The following LRRN3 variants were observed in gnomAD, a reference collection of about 807,000 sequenced individuals.
The protein encoded by LRRN3 is leucine rich repeat neuronal 3.
In LRRN3, 15 loss-of-function variants were observed where a neutral mutation model predicts 40.1. The observed-to-expected ratio is 0.37, with a 90% CI of 0.25 to 0.58. The LOEUF (loss-of-function observed/expected upper bound fraction) is 0.58. Among genes scored for constraint, LRRN3 ranks in the 20% least tolerant of loss-of-function variants. The pLI is 0.72. For synonymous variants in LRRN3, 308 were observed against 297.2 expected, an observed-to-expected ratio of 1.04 and a Z score of -0.37; for missense variants, 746 against 837.7, an observed-to-expected ratio of 0.89 and a Z score of 1.35.
At position 111,122,882 on chromosome 7, in the gene LRRN3, T is replaced by A; in HGVS notation, c.110T>A (p.Ile37Asn). The A allele has an allele frequency of 6.2e-7, 1 of 1,614,000 alleles. No individual in the cohort carries two copies. Among genetic ancestry groups the A allele is most frequent in the African/African-American group, 1.3e-5 (1 of 75,030 alleles). Residue 37 changes from isoleucine (I) to asparagine (N), a missense_variant, in exon 3 of 3, where the codon ATC becomes AAC. Physicochemically the swap from Ile to Asn is moderately radical, Grantham distance 149. Coordinates refer to ENST00000308478, the MANE Select transcript of LRRN3 (RefSeq NM_001099658.2). ...VDCPRLCTCE[I>N]RPWFTPRSIY... ...TGTCCACGGTTATGTACGTGTGAAATCAGGCCTTGGTTTACACCCAGATCC... is the reference window on the plus strand; with the variant it reads ...TGTCCACGGTTATGTACGTGTGAAAACAGGCCTTGGTTTACACCCAGATCC...
chr7:111,093,100 G>A (rs559713590), intron 1 of LRRN3, among the ~76,000 whole-genome samples: 37 of 152,160 alleles, frequency 2.4e-4, no homozygotes, highest in Non-Finnish European at 4.7e-4. Context: ...TAATTCCAGT[G>A]ACCTTTGTAA....
chr7:111,112,774 G>A (rs112651936), intron 2 of LRRN3, among the ~76,000 whole-genome samples: 2,766 of 152,170 alleles, frequency 0.018, 43 homozygotes, highest in Middle Eastern at 0.037. Context: ...AGCCCACATC[G>A]CTATTATCGT....
At chr7:111,107,194 C>T (rs994751536) in intron 2 of LRRN3, among the ~76,000 whole-genome samples, 1 of 151,698 alleles carries the variant, frequency 6.6e-6, no homozygotes, top group Admixed American at 6.6e-5. Context: ...TCCTTCCCTC[C>T]CTTCTTCCTT....
chr7:111,125,146 A>G lies in LRRN3; in HGVS notation c.*247A>G, dbSNP rs969423602. 8 of 380,608 alleles carry G rather than the reference A, an allele frequency of 2.1e-5. No individual in the cohort carries two copies. In the Admixed American group the frequency reaches 3.0e-4, roughly 14 times the overall value. The allele number at this position is 380,608 out of a possible 1,614,324, so 23.6% of individuals were successfully genotyped here. On this transcript the variant is annotated 3_prime_UTR_variant, in exon 3 of 3. Coordinates refer to ENST00000308478, the MANE Select transcript of LRRN3 (RefSeq NM_001099658.2). ...AAATAAAATAACTCCATTTTCTAAA[A>G]CTTTCATGTAACTTTTATGTCTGGA...
At position 111,124,284 on chromosome 7, in the gene LRRN3, T is replaced by A; in HGVS notation, c.1512T>A (p.Ala504=). The A allele has an allele frequency of 6.2e-7, 1 of 1,614,008 alleles. No homozygotes were observed. The highest frequency in any genetic ancestry group is 8.5e-7 in the Non-Finnish European group (1 of 1,179,978). Residue 504 remains alanine, a synonymous_variant, in exon 3 of 3, where the codon GCT becomes GCA. Coordinates refer to ENST00000308478, the MANE Select transcript of LRRN3 (RefSeq NM_001099658.2). ...GTATAGCAACTAACCTAGTTGGCGCTGACTTGAAGTCTGTTATGATCAAAG... is the reference window on the plus strand; with the variant it reads ...GTATAGCAACTAACCTAGTTGGCGCAGACTTGAAGTCTGTTATGATCAAAG... ...YTCIATNLVG[A]DLKSVMIKVD...
At chr7:111,117,829 A>C (rs1050443879) in intron 2 of LRRN3, among the ~76,000 whole-genome samples, 4 of 152,122 alleles carry the variant, frequency 2.6e-5, no homozygotes, top group Non-Finnish European at 5.9e-5. Context: ...TTTTTTCTTC[A>C]CCAATTTTTC....
chr7:111,101,364 C>T (rs28733335), intron 2 of LRRN3, among the ~76,000 whole-genome samples: 5,470 of 151,328 alleles, frequency 0.036, 306 homozygotes, highest in African/African-American at 0.12. Flanking sequence ...ATCATATATT[C>T]GTGTCTGTGA....
chr7:111,113,953 T>C (rs1471370522), intron 2 of LRRN3, among the ~76,000 whole-genome samples: 1 of 152,162 alleles, frequency 6.6e-6, no homozygotes, highest in Non-Finnish European at 1.5e-5. Context: ...AGACTTTTCC[T>C]CTCAATTTAT....
intron 2 of LRRN3, among the ~76,000 whole-genome samples, chr7:111,115,487 G>A (rs1799766090): frequency 1.3e-5 from 2 of 151,818 alleles, no homozygotes; most frequent in Admixed American, 6.6e-5. Flanking sequence ...ACCCCAATAT[G>A]AAATGTGCCT....
Position 111,124,813 on chromosome 7 carries a change from A to G in LRRN3, c.2041A>G (p.Ile681Val), listed in dbSNP as rs1184173448. Reference sequence around the variant, plus strand: ...ATTAGGTGAGCTTTATCCTCCTCTGATAAATCTCTGGGAAGCAGGAAAAGA... The same window carrying G: ...ATTAGGTGAGCTTTATCCTCCTCTGGTAAATCTCTGGGAAGCAGGAAAAGA... ...FALGELYPPLINLWEAGKEKS... is the reference protein window; with the variant it reads ...FALGELYPPLVNLWEAGKEKS... Residue 681 changes from isoleucine (I) to valine (V), a missense_variant, in exon 3 of 3, where the codon ATA becomes GTA. By Grantham distance (29) the Ile-to-Val change is conservative. Coordinates refer to ENST00000308478, the MANE Select transcript of LRRN3 (RefSeq NM_001099658.2). 6.2e-7 allele frequency: 1 copy of G among 1,613,240 alleles called. No individual in the cohort carries two copies. Among genetic ancestry groups the G allele is most frequent in the African/African-American group, 1.3e-5 (1 of 74,906 alleles).
chr7:111,122,666 T>A lies in LRRN3; in HGVS notation c.-107T>A. On this transcript the variant is annotated 5_prime_UTR_variant, in exon 3 of 3. Transcript: ENST00000308478. ...CTTTGTGGTTCTATGGCATTCATCA[T>A]TTGACAAATGCAAGCATCTTCCTTA... 1 of 877,704 alleles carries A rather than the reference T, an allele frequency of 1.1e-6. No individual in the cohort carries two copies. 54.4% of individuals were successfully genotyped at this position (877,704 alleles called of 1,614,324 possible).
chr7:111,114,153 C>T (rs1274100813), intron 2 of LRRN3, among the ~76,000 whole-genome samples: 1 of 152,002 alleles, frequency 6.6e-6, no homozygotes, highest in Non-Finnish European at 1.5e-5. Context: ...CACACACACA[C>T]ACACACACAT....
At chr7:111,107,982 C>T (rs949868460) in intron 2 of LRRN3, among the ~76,000 whole-genome samples, 2 of 152,126 alleles carry the variant, frequency 1.3e-5, no homozygotes, top group African/African-American at 4.8e-5. Context: ...CAGATATTGT[C>T]TTGATTTGCA....
At chr7:111,094,914 T>C (rs1466890978) in intron 1 of LRRN3, among the ~76,000 whole-genome samples, 4 of 152,078 alleles carry the variant, frequency 2.6e-5, no homozygotes, top group Non-Finnish European at 4.4e-5. Flanking sequence ...TCTCAATAGA[T>C]GCTATTTAGA....
chr7:111,111,664 C>G (rs920939104), intron 2 of LRRN3, among the ~76,000 whole-genome samples: 1 of 151,916 alleles, frequency 6.6e-6, no homozygotes, highest in Non-Finnish European at 1.5e-5. Flanking sequence ...AATGTCCCCC[C>G]CTGCGTCAAT....
intron 1 of LRRN3, among the ~76,000 whole-genome samples, chr7:111,096,158 A>G (rs1797374106): frequency 6.6e-6 from 1 of 151,986 alleles, no homozygotes; most frequent in Non-Finnish European, 1.5e-5. Context: ...TTCAACAATT[A>G]CTTTGCTCCT....
rs573890669 is a variant in LRRN3 at position 111,094,930 on chromosome 7, T to C, written c.-441+3426T>C. On this transcript the variant is annotated intron_variant, in intron 1 of 2. Coordinates refer to ENST00000308478, the MANE Select transcript of LRRN3 (RefSeq NM_001099658.2). ...CTCAATAGATGCTATTTAGAGGTCA[T>C]TAAATACAGGATTAACAAGGAAGAC... 2.0e-5 allele frequency among the ~76,000 whole-genome samples: 3 copies of C among 152,058 alleles called. No homozygotes were observed. The South Asian group carries it at 6.2e-4, about 31-fold the overall frequency.
chr7:111,122,910 T>G lies in LRRN3; in HGVS notation c.138T>G (p.Ile46Met). The G allele has an allele frequency of 6.2e-7, 1 of 1,614,036 alleles. No individual in the cohort carries two copies. The highest frequency in any genetic ancestry group is 8.5e-7 in the Non-Finnish European group (1 of 1,179,948). Residue 46 changes from isoleucine (I) to methionine (M), a missense_variant, in exon 3 of 3, where the codon ATT becomes ATG. Transcript: ENST00000308478. ...GGCCTTGGTTTACACCCAGATCCAT[T>G]TATATGGAAGCATCTACAGTGGATT... ...EIRPWFTPRS[I>M]YMEASTVDCN...
chr7:111,124,447 A>G lies in LRRN3; in HGVS notation c.1675A>G (p.Lys559Glu). 6.8e-6 allele frequency: 11 copies of G among 1,613,922 alleles called. No individual in the cohort carries two copies. The highest frequency in any genetic ancestry group is 9.3e-6 in the Non-Finnish European group (11 of 1,179,970). Reference protein sequence around the residue: ...KSSVKWTAFVKTENSHAAQSA... With the variant: ...KSSVKWTAFVETENSHAAQSA... ...TAGTGTTAAATGGACAGCCTTTGTC[A>G]AGACTGAAAATTCTCATGCTGCGCA... The change falls in exon 3 of 3, where the codon AAG (lysine) becomes GAG (glutamate). Residue 559 changes from lysine to glutamate, a missense_variant. Transcript: ENST00000308478.
Sources: allele counts gnomAD v4.1 joint callset (sites outside exome capture counted in the v4.1 genomes callset), GRCh38; gene constraint gnomAD v4.1.1; transcripts MANE v1.5; gene names NCBI Gene and HGNC (gene_info 2026-07-23, HGNC 2026-07-21).